The following PAXBP1 variants were observed in gnomAD, a reference collection of about 807,000 sequenced individuals.
The protein encoded by PAXBP1 is PAX3 and PAX7 binding protein 1.
Under a neutral mutation model 119.9 loss-of-function variants are expected in PAXBP1, and 44 were observed. The observed-to-expected ratio is 0.37, with a 90% confidence interval of 0.29 to 0.47. PAXBP1 has a LOEUF of 0.47. Ranked by LOEUF, PAXBP1 falls within the 20% of genes least tolerant of loss-of-function variation. The pLI is 0.99. For missense variants in PAXBP1, 898 were observed against 1,134.1 expected (o/e 0.79, Z 2.99); for synonymous variants, 393 against 406.6 (o/e 0.97, Z 0.40).
chr21:32,758,460 T>A (rs947061508), intron 7 of PAXBP1, among the ~76,000 whole-genome samples: 2 of 151,832 alleles, frequency 1.3e-5, no homozygotes, highest in African/African-American at 2.4e-5. Flanking sequence ...ATTTTAAATG[T>A]AAACAATAAA....
At chr21:32,740,977 C>A (rs1022601924) in intron 15 of PAXBP1, among the ~76,000 whole-genome samples, 1 of 152,104 alleles carries the variant, frequency 6.6e-6, no homozygotes, top group African/African-American at 2.4e-5. Context: ...CACATGAAAA[C>A]GTCCTCAACA....
At chr21:32,748,755 C>T (rs1427995316) in intron 10 of PAXBP1, 57 bp from the exon 11 acceptor site, 2 of 1,463,238 alleles carry the variant, frequency 1.4e-6, no homozygotes, top group East Asian at 4.6e-5. Context: ...AGGAAAAAAA[C>T]AGTCCAATAT....
intron 13 of PAXBP1, among the ~76,000 whole-genome samples, 153 bp from the exon 14 acceptor site, chr21:32,743,907 T>G (rs1422040608): frequency 6.6e-6 from 1 of 152,214 alleles, no homozygotes; most frequent in Non-Finnish European, 1.5e-5. Context: ...TAATTAATAC[T>G]TAATAATCTA....
In PAXBP1 at chr21:32,751,224, AAAC is replaced by A. The variant is rs773482544; in HGVS notation, c.1508-9_1508-7del. On this transcript the variant is annotated splice_polypyrimidine_tract_variant and splice_region_variant and intron_variant, in intron 8 of 17. Transcript: ENST00000331923. ...TGGTGCCATCAGAGCTTTGTCTGCAAAACAACAACAGTTAAAATTAAAAGCCAT... is the reference window on the plus strand; with the variant it reads ...TGGTGCCATCAGAGCTTTGTCTGCAAAACAACAGTTAAAATTAAAAGCCAT... 69 of 1,613,152 alleles carry A rather than the reference AAAC, an allele frequency of 4.3e-5. No homozygotes were observed. The highest frequency in any genetic ancestry group is 5.2e-5 in the Non-Finnish European group (61 of 1,179,268).
rs778712303 is a variant in PAXBP1 at position 32,771,429 on chromosome 21, G to A, written c.240C>T (p.Pro80=). ...GCCCGTTGCCGGGCTCCGCGCCGCC[G>A]GGGAAGCCGCCCCCGGCCTCAGCCC... ...GLGAEAGGGF[P]GGAEPGNGLK... Residue 80 remains proline (P), a synonymous_variant, in exon 1 of 18, where the codon CCC becomes CCT. Coordinates refer to ENST00000331923, the MANE Select transcript of PAXBP1 (RefSeq NM_016631.4). 1.1e-5 allele frequency: 17 copies of A among 1,531,014 alleles called. No individual in the cohort carries two copies. The highest frequency in any genetic ancestry group is 5.3e-5 in the East Asian group (2 of 37,448). 94.8% of individuals were successfully genotyped at this position (1,531,014 alleles called of 1,614,324 possible).
At chr21:32,754,788 A>G (rs959461380) in intron 8 of PAXBP1, among the ~76,000 whole-genome samples, 3 of 152,180 alleles carry the variant, frequency 2.0e-5, no homozygotes, top group African/African-American at 7.2e-5. Flanking sequence ...GTTAAGTTAT[A>G]GCTTCCCTCC....
chr21:32,762,849 T>C (rs1031063817), intron 3 of PAXBP1, among the ~76,000 whole-genome samples: 2 of 145,962 alleles, frequency 1.4e-5, no homozygotes, highest in African/African-American at 2.6e-5. Context: ...AGGCAGAGGT[T>C]GCAGTGAGCC....
intron 7 of PAXBP1, chr21:32,756,458 A>G: frequency 2.1e-6 from 1 of 486,770 alleles, no homozygotes; most frequent in Non-Finnish European, 4.0e-6. Flanking sequence ...CCATTGCAAA[A>G]GTAGCAAATG....
At chr21:32,760,659 G>A (rs1033895923) in intron 5 of PAXBP1, among the ~76,000 whole-genome samples, 1 of 152,042 alleles carries the variant, frequency 6.6e-6, no homozygotes, top group Admixed American at 6.5e-5. Flanking sequence ...CACCTGGAGG[G>A]CTTGTTCAAC....
chr21:32,760,923 G>GTGTC (rs1428037803), intron 5 of PAXBP1, 136 bp downstream of exon 5: 2 of 644,192 alleles, frequency 3.1e-6, no homozygotes, highest in African/African-American at 3.7e-5. Context: ...GTGTGTGTGT[G>GTGTC]TGTGTGTGTG....
chr21:32,760,173 G>A (rs1029820962), intron 5 of PAXBP1, among the ~76,000 whole-genome samples, 179 bp from the exon 6 acceptor site: 2 of 151,978 alleles, frequency 1.3e-5, no homozygotes, highest in African/African-American at 2.4e-5. Context: ...CCTATCTCTT[G>A]GTGGAATCAC....
Position 32,734,982 on chromosome 21 carries a change from T to G in PAXBP1, c.2722A>C (p.Lys908Gln), listed in dbSNP as rs547478950. The change falls in exon 18 of 18, where the codon AAA becomes CAA. Residue 908 changes from lysine to glutamine, a missense_variant. Coordinates refer to ENST00000331923, the MANE Select transcript of PAXBP1 (RefSeq NM_016631.4). ...AMSVASDHNV[K>Q]EFKSLIEGK is the part of the protein sequence containing the mutation. ...CCTTCGATCAAAGACTTAAATTCTTTCACATTGTGGTCACTTGCAACAGAC... is the reference window on the plus strand; with the variant it reads ...CCTTCGATCAAAGACTTAAATTCTTGCACATTGTGGTCACTTGCAACAGAC... The G allele has an allele frequency of 6.2e-7, 1 of 1,613,864 alleles. No individual in the cohort carries two copies.
At chr21:32,755,171 G>A in intron 8 of PAXBP1, 59 bp downstream of exon 8, 1 of 1,499,576 alleles carries the variant, frequency 6.7e-7, no homozygotes. Flanking sequence ...TTTCAATTAG[G>A]CTGCACTAAG....
At chr21:32,744,273 A>G (rs1320848625) in intron 13 of PAXBP1, among the ~76,000 whole-genome samples, 25 of 151,536 alleles carry the variant, frequency 1.6e-4, no homozygotes, top group Admixed American at 1.4e-3. Flanking sequence ...AAAAAAAAAA[A>G]AAAGAAAAAA....
chr21:32,751,088 A>T, intron 9 of PAXBP1, 31 bp downstream of exon 9: 3 of 1,612,898 alleles, frequency 1.9e-6, no homozygotes, highest in Non-Finnish European at 2.5e-6. Context: ...TCCCTTCCCA[A>T]ACAAGCCAGA....
intron 2 of PAXBP1, among the ~76,000 whole-genome samples, chr21:32,766,608 T>C (rs975481930): frequency 6.6e-6 from 1 of 152,226 alleles, no homozygotes; most frequent in Admixed American, 6.5e-5. Context: ...AAGGAAGCAG[T>C]GTGGACCTGC....
At chr21:32,769,736 G>A in intron 2 of PAXBP1, 78 bp downstream of exon 2, 1 of 1,501,592 alleles carries the variant, frequency 6.7e-7, no homozygotes, top group Non-Finnish European at 9.0e-7. Context: ...AATGAGTTCA[G>A]AAGATATACA....
At chr21:32,744,487 A>AT (rs2043842071) in intron 13 of PAXBP1, among the ~76,000 whole-genome samples, 1 of 152,026 alleles carries the variant, frequency 6.6e-6, no homozygotes, top group Non-Finnish European at 1.5e-5. Context: ...GATTAGTTGG[A>AT]TTGGGACTGA....
chr21:32,753,349 C>A (rs1361356991), intron 8 of PAXBP1, among the ~76,000 whole-genome samples: 1 of 149,564 alleles, frequency 6.7e-6, no homozygotes, highest in Non-Finnish European at 1.5e-5. Flanking sequence ...TTGCTTGAAC[C>A]CGGGAGGCGG....
Sources: allele counts gnomAD v4.1 joint callset (sites outside exome capture counted in the v4.1 genomes callset), GRCh38; gene constraint gnomAD v4.1.1; transcripts MANE v1.5; gene names NCBI Gene and HGNC (gene_info 2026-07-23, HGNC 2026-07-21).